COL24A1: variants seen among roughly 807,000 people sequenced by gnomAD.
COL24A1 encodes collagen type XXIV alpha 1 chain.
In COL24A1, 224 loss-of-function variants were observed where a neutral mutation model predicts 253.9. The ratio of observed to expected loss-of-function variants is 0.88; its 90% CI spans 0.79 to 0.99. The LOEUF (loss-of-function observed/expected upper bound fraction) is 0.99. COL24A1 is among the 50% of genes least tolerant of loss of function. The pLI is 0.00. For synonymous variants in COL24A1, 685 were observed against 673.7 expected, an observed-to-expected ratio of 1.02 and a Z score of -0.26; for missense variants, 2,131 against 2,068.5, an observed-to-expected ratio of 1.03 and a Z score of -0.59.
intron 43 of COL24A1, among the ~76,000 whole-genome samples, chr1:85,830,935 C>A (rs75736004): frequency 5.9e-5 from 9 of 152,246 alleles, no homozygotes; most frequent in Admixed American, 2.0e-4. Context: ...ATTTGGCAAT[C>A]TTGGCTCCTA....
At chr1:86,022,903 A>G in intron 15 of COL24A1, 26 bp from the exon 16 acceptor site, 3 of 1,609,826 alleles carry the variant, frequency 1.9e-6, no homozygotes, top group Non-Finnish European at 2.5e-6. Context: ...ACATTTTGTG[A>G]TATCATAGAC....
chr1:85,873,419 C>T (rs1018684620), intron 35 of COL24A1, among the ~76,000 whole-genome samples: 1 of 152,082 alleles, frequency 6.6e-6, no homozygotes, highest in Non-Finnish European at 1.5e-5. Context: ...TTCACTATAG[C>T]AAAGACTTGG....
chr1:85,765,809 C>T (rs1667311237), intron 53 of COL24A1, among the ~76,000 whole-genome samples: 1 of 152,064 alleles, frequency 6.6e-6, no homozygotes, highest in Non-Finnish European at 1.5e-5. Context: ...TAAAATTTTA[C>T]TTAGAATTTT....
chr1:85,863,605 T>C (rs1163339614), intron 37 of COL24A1, among the ~76,000 whole-genome samples: 2 of 151,798 alleles, frequency 1.3e-5, no homozygotes. Flanking sequence ...ACCATCAGAG[T>C]GAACAGGCAA....
rs1186852994 is a variant in COL24A1, at chr1:85,907,241, C to T, written c.2731G>A (p.Val911Met). Residue 911 changes from valine (V) to methionine (M), a missense_variant, in exon 28 of 60, where the codon GTG becomes ATG. Transcript: ENST00000370571. Reference sequence around the variant, plus strand: ...CTCCCAGGTGGTCCTCTTGCCCCCACATGACCCTATATGTTGTAAATTTAA... The same window carrying T: ...CTCCCAGGTGGTCCTCTTGCCCCCATATGACCCTATATGTTGTAAATTTAA... ...PIGPLGLPGH[V>M]GARGPPGSQG... The T allele has an allele frequency of 1.2e-6, 2 of 1,610,792 alleles. No homozygotes were observed. The highest frequency in any genetic ancestry group is 3.3e-5 in the Admixed American group (2 of 59,842).
At chr1:85,971,512 G>T in intron 20 of COL24A1, 119 bp from the exon 21 acceptor site, 2 of 839,074 alleles carry the variant, frequency 2.4e-6, no homozygotes, top group Non-Finnish European at 3.7e-6. Flanking sequence ...CCATTAAGAA[G>T]TCCTCAAAAT....
intron 45 of COL24A1, among the ~76,000 whole-genome samples, chr1:85,819,428 G>T (rs1465854184): frequency 1.3e-5 from 2 of 151,964 alleles, no homozygotes; most frequent in East Asian, 3.9e-4. Flanking sequence ...TATGCAACGA[G>T]ATATATCTGT....
intron 14 of COL24A1, 122 bp downstream of exon 14, chr1:86,031,756 G>C: frequency 1.5e-6 from 1 of 656,680 alleles, no homozygotes; most frequent in Non-Finnish European, 2.5e-6. Context: ...ATTTAATCAA[G>C]GTTGATAACC....
chr1:86,074,318 T>C (rs2101862525), intron 7 of COL24A1, among the ~76,000 whole-genome samples: 1 of 152,246 alleles, frequency 6.6e-6, no homozygotes, highest in Middle Eastern at 3.4e-3. Flanking sequence ...TCCTAGTCTC[T>C]GGTAAAACAG....
chr1:85,891,233 T>C (rs1486220996), intron 31 of COL24A1, among the ~76,000 whole-genome samples: 1 of 149,568 alleles, frequency 6.7e-6, no homozygotes, highest in East Asian at 2.0e-4. Flanking sequence ...TTTTTTTTTT[T>C]TTTTGTATTT....
chr1:85,979,343 A>G (rs915733235), intron 20 of COL24A1, among the ~76,000 whole-genome samples: 1 of 152,174 alleles, frequency 6.6e-6, no homozygotes, highest in South Asian at 2.1e-4. Context: ...AATAAAGATC[A>G]GAGCAGAACT....
At chr1:85,829,288 A>T (rs982086459) in intron 43 of COL24A1, among the ~76,000 whole-genome samples, 1 of 151,882 alleles carries the variant, frequency 6.6e-6, no homozygotes, top group Non-Finnish European at 1.5e-5. Flanking sequence ...CTGCCAAGAG[A>T]TCTGCTCTTA....
At chr1:86,065,489 G>A (rs1571803305) in intron 7 of COL24A1, among the ~76,000 whole-genome samples, 1 of 152,078 alleles carries the variant, frequency 6.6e-6, no homozygotes, top group South Asian at 2.1e-4. Flanking sequence ...CCCTGACAAG[G>A]TGGCAGCACC....
chr1:85,885,829 T>A (rs1263012425), intron 32 of COL24A1, among the ~76,000 whole-genome samples: 3 of 152,174 alleles, frequency 2.0e-5, no homozygotes, highest in African/African-American at 7.2e-5. Context: ...GGTGCAAATG[T>A]CCTTTGGGCA....
intron 55 of COL24A1, among the ~76,000 whole-genome samples, chr1:85,753,697 AC>A (rs1319782418): frequency 5.0e-4 from 2 of 4,032 alleles, no homozygotes; most frequent in African/African-American, 5.2e-3. Flanking sequence ...CAAGAAAAAA[AC>A]AAACAACCCC....
intron 5 of COL24A1, among the ~76,000 whole-genome samples, chr1:86,103,764 T>C (rs567083949): frequency 2.6e-5 from 4 of 152,368 alleles, no homozygotes; most frequent in East Asian, 1.9e-4. Context: ...GTTAGTCTGA[T>C]AGGCTTCCCT....
intron 24 of COL24A1, among the ~76,000 whole-genome samples, chr1:85,920,278 T>C (rs190092232): frequency 8.5e-5 from 13 of 152,296 alleles, no homozygotes; most frequent in African/African-American, 3.1e-4. Flanking sequence ...ATCTCAGGTA[T>C]GGTTACATGT....
chr1:85,907,136 C>T (rs1353408514), intron 28 of COL24A1, 58 bp downstream of exon 28: 10 of 1,372,320 alleles, frequency 7.3e-6, no homozygotes, highest in Non-Finnish European at 9.3e-6. Context: ...GCACATTTTC[C>T]ACTATTTATG....
chr1:86,022,089 G>T, intron 18 of COL24A1, 151 bp downstream of exon 18: 1 of 718,904 alleles, frequency 1.4e-6, no homozygotes, highest in Non-Finnish European at 2.4e-6. Flanking sequence ...TATGGAATGT[G>T]AACTGAATAC....
Sources: allele counts gnomAD v4.1 joint callset (sites outside exome capture counted in the v4.1 genomes callset), GRCh38; gene constraint gnomAD v4.1.1; transcripts MANE v1.5; gene names NCBI Gene and HGNC (gene_info 2026-07-23, HGNC 2026-07-21).